GXYLT2: variants seen among roughly 807,000 people sequenced by gnomAD.
GXYLT2 encodes the protein glucoside xylosyltransferase 2.
A neutral mutation model predicts 45.8 loss-of-function variants in GXYLT2; 53 were observed. The ratio of observed to expected loss-of-function variants is 1.16; its 90% CI spans 0.93 to 1.46. The LOEUF (loss-of-function observed/expected upper bound fraction) is 1.46, where lower values mean the gene tolerates loss of function less well. Ranked by LOEUF, GXYLT2 falls within the 40% of genes most tolerant of loss-of-function variation. The pLI, the probability that GXYLT2 is intolerant of heterozygous loss-of-function variation, is 0.00. For missense variants in GXYLT2, 551 were observed against 544.4 expected (o/e 1.01, Z -0.12); for synonymous variants, 219 against 214.2 (o/e 1.02, Z -0.19).
chr3:72,928,348 C>T lies in GXYLT2; in HGVS notation c.600+6013C>T, dbSNP rs140305851. Among the ~76,000 whole-genome samples the T allele has an allele frequency of 5.7e-3, 867 of 152,302 alleles. 7 individuals carry two copies. The highest frequency in any genetic ancestry group is 0.019 in the African/African-American group (806 of 41,560). On this transcript the variant is annotated intron_variant, in intron 3 of 6. Coordinates refer to ENST00000389617, the MANE Select transcript of GXYLT2 (RefSeq NM_001080393.2). Reference sequence around the variant, plus strand: ...AGAGTGAGAATCGGTGACATTTGAACCACAGCCTCCCTCCTTCCCCCTTCC... The same window carrying T: ...AGAGTGAGAATCGGTGACATTTGAATCACAGCCTCCCTCCTTCCCCCTTCC...
At chr3:72,936,729 G>A (rs1159455836) in intron 3 of GXYLT2, among the ~76,000 whole-genome samples, 1 of 152,150 alleles carries the variant, frequency 6.6e-6, no homozygotes, top group East Asian at 1.9e-4. Context: ...AAAAACACTT[G>A]TACAGAGAGG....
At chr3:72,970,598 A>G (rs1447906951) in intron 6 of GXYLT2, among the ~76,000 whole-genome samples, 1 of 152,090 alleles carries the variant, frequency 6.6e-6, no homozygotes, top group Non-Finnish European at 1.5e-5. Flanking sequence ...GGTGGCTCAC[A>G]TCTGTAATCC....
At chr3:72,922,049 C>T (rs1341815737) in intron 2 of GXYLT2, among the ~76,000 whole-genome samples, 155 bp from the exon 3 acceptor site, 1 of 152,214 alleles carries the variant, frequency 6.6e-6, no homozygotes, top group East Asian at 1.9e-4. Flanking sequence ...GGAGCAAATA[C>T]TCTTTCATTT....
chr3:72,924,720 C>T (rs1449711872), intron 3 of GXYLT2, among the ~76,000 whole-genome samples: 1 of 151,836 alleles, frequency 6.6e-6, no homozygotes, highest in African/African-American at 2.4e-5. Context: ...ATGATTGGCT[C>T]GTTGTAAGAG....
intron 3 of GXYLT2, among the ~76,000 whole-genome samples, chr3:72,945,959 A>G (rs1392945366): frequency 6.6e-6 from 1 of 152,122 alleles, no homozygotes; most frequent in African/African-American, 2.4e-5. Context: ...GGGGCAATAC[A>G]TGTATTTCAT....
intron 4 of GXYLT2, among the ~76,000 whole-genome samples, chr3:72,956,652 T>C (rs537818900): frequency 4.6e-5 from 7 of 152,014 alleles, no homozygotes; most frequent in Admixed American, 6.6e-5. Context: ...CCCAGCACTT[T>C]GGGAGGGAGG....
intron 2 of GXYLT2, among the ~76,000 whole-genome samples, chr3:72,913,163 G>A (rs1002300636): frequency 4.0e-5 from 6 of 150,254 alleles, no homozygotes; most frequent in Non-Finnish European, 8.9e-5. Flanking sequence ...TCAGCCTCCC[G>A]AGTAGCTGGG....
intron 1 of GXYLT2, among the ~76,000 whole-genome samples, chr3:72,899,509 A>G (rs1190510278): frequency 1.3e-5 from 2 of 152,320 alleles, no homozygotes; most frequent in East Asian, 3.9e-4. Context: ...AACTGTTAGC[A>G]AAGTCCTTAG....
intron 3 of GXYLT2, among the ~76,000 whole-genome samples, chr3:72,934,086 T>C: frequency 6.7e-6 from 1 of 148,648 alleles, no homozygotes. Context: ...TATTCTTTTT[T>C]TTTTTTTTTT....
intron 1 of GXYLT2, among the ~76,000 whole-genome samples, chr3:72,896,644 T>C (rs1468168196): frequency 6.6e-6 from 1 of 151,636 alleles, no homozygotes; most frequent in South Asian, 2.1e-4. Flanking sequence ...AGATCAGGAG[T>C]TCGAGACCAT....
intron 6 of GXYLT2, among the ~76,000 whole-genome samples, chr3:72,974,661 T>G (rs979970774): frequency 6.6e-6 from 1 of 152,184 alleles, no homozygotes; most frequent in African/African-American, 2.4e-5. Context: ...TTGCTCAGGC[T>G]GGTCTCAAAC....
chr3:72,905,720 G>A (rs986703777), intron 1 of GXYLT2, among the ~76,000 whole-genome samples: 1 of 152,168 alleles, frequency 6.6e-6, no homozygotes, highest in African/African-American at 2.4e-5. Flanking sequence ...TCTCCAAAGT[G>A]TTCAGTCCAA....
chr3:72,901,647 G>A lies in GXYLT2; in HGVS notation c.276-6720G>A, dbSNP rs77656623. Reference sequence around the variant, plus strand: ...ATGATCTCAGCTCACTGCAAGCTCCGCCTCCTGGGTTCAAGCAATTCTCCT... The same window carrying A: ...ATGATCTCAGCTCACTGCAAGCTCCACCTCCTGGGTTCAAGCAATTCTCCT... On this transcript the variant is annotated intron_variant, in intron 1 of 6. Transcript: ENST00000389617. 5.9e-3 allele frequency among the ~76,000 whole-genome samples: 750 copies of A among 126,668 alleles called. 2 individuals carry two copies. Among genetic ancestry groups the A allele is most frequent in the Admixed American group, 8.5e-3 (89 of 10,526 alleles). 83.1% of individuals were successfully genotyped at this position (126,668 alleles called of 152,430 possible). A position where few individuals can be genotyped will look rare whatever the true frequency, so the allele number is the denominator to read the frequency against.
intron 1 of GXYLT2, among the ~76,000 whole-genome samples, chr3:72,893,006 G>A (rs570581224): frequency 6.6e-6 from 1 of 152,182 alleles, no homozygotes; most frequent in East Asian, 1.9e-4. Context: ...TTCCCTAGCT[G>A]GACACCTGCA....
At chr3:72,917,439 G>A (rs1330238799) in intron 2 of GXYLT2, among the ~76,000 whole-genome samples, 1 of 152,136 alleles carries the variant, frequency 6.6e-6, no homozygotes, top group Non-Finnish European at 1.5e-5. Context: ...AATGCCTGGT[G>A]TGGGTTCTAA....
chr3:72,917,914 T>G (rs1345014595), intron 2 of GXYLT2, among the ~76,000 whole-genome samples: 1 of 152,184 alleles, frequency 6.6e-6, no homozygotes, highest in African/African-American at 2.4e-5. Context: ...TTCCATTCCT[T>G]TTCTTTTCAT....
chr3:72,922,256 C>T lies in GXYLT2; in HGVS notation c.521C>T (p.Pro174Leu). The T allele has an allele frequency of 6.2e-7, 1 of 1,613,486 alleles. No homozygotes were observed. Among genetic ancestry groups the T allele is most frequent in the Non-Finnish European group, 8.5e-7 (1 of 1,179,470 alleles). The change falls in exon 3 of 7, where the codon CCC becomes CTC. Residue 174 changes from proline (P) to leucine (L), a missense_variant. Transcript: ENST00000389617. Reference sequence around the variant, plus strand: ...AAGAAGTTTGAGCACAGAATCTACCCCATCACATTTTCTGTTGGAAACCCT... The same window carrying T: ...AAGAAGTTTGAGCACAGAATCTACCTCATCACATTTTCTGTTGGAAACCCT... ...YTKKFEHRIY[P>L]ITFSVGNPQE...
chr3:72,915,254 GA>G (rs200252917), intron 2 of GXYLT2, among the ~76,000 whole-genome samples: 1,649 of 133,654 alleles, frequency 0.012, 26 homozygotes, highest in African/African-American at 0.041. Context: ...TTTAAAGAAA[GA>G]AAAAAAAGCA....
intron 3 of GXYLT2, among the ~76,000 whole-genome samples, chr3:72,938,737 T>C (rs1474852891): frequency 1.3e-5 from 2 of 152,202 alleles, no homozygotes; most frequent in Non-Finnish European, 2.9e-5. Flanking sequence ...CCAGATACTT[T>C]TCAGTTACGC....
Sources: gnomAD v4.1 joint callset for allele counts (sites outside exome capture counted in the v4.1 genomes callset) on GRCh38, gnomAD v4.1.1 for gene constraint, MANE v1.5 for transcripts, NCBI Gene and HGNC (gene_info 2026-07-23, HGNC 2026-07-21) for gene names.